Variants in TNFSF11 observed in about 807,000 individuals in gnomAD.
TNFSF11 encodes the protein tumor necrosis factor ligand superfamily member 11.
In TNFSF11, 12 loss-of-function variants were observed where a neutral mutation model predicts 32.2. The observed-to-expected ratio is 0.37, with a 90% CI of 0.24 to 0.60. The LOEUF (loss-of-function observed/expected upper bound fraction) is 0.60. Ranked by LOEUF, TNFSF11 falls within the 20% of genes least tolerant of loss-of-function variation. TNFSF11 has a pLI of 0.66. For synonymous variants in TNFSF11, 172 were observed against 152.1 expected (o/e 1.13, Z -0.96); for missense variants, 345 against 398.0 (o/e 0.87, Z 1.13).
At chr13:42,605,428 A>G (rs1156655807) in intron 4 of TNFSF11, among the ~76,000 whole-genome samples, 2 of 152,236 alleles carry the variant, frequency 1.3e-5, no homozygotes, top group Non-Finnish European at 2.9e-5. Context: ...ACCATTAGTT[A>G]CCAGCTTTTC....
At chr13:42,581,996 C>G (rs1300374427) in intron 2 of TNFSF11, among the ~76,000 whole-genome samples, 1 of 152,188 alleles carries the variant, frequency 6.6e-6, no homozygotes, top group Non-Finnish European at 1.5e-5. Flanking sequence ...TTATTTTACT[C>G]ACTGACTCCA....
rs1873668744 is a variant in TNFSF11, at chr13:42,582,576, T to C, written c.387+1283T>C. Among the ~76,000 whole-genome samples the C allele has an allele frequency of 2.6e-5, 4 of 152,334 alleles. No individual in the cohort carries two copies. In the South Asian group the frequency reaches 8.3e-4, roughly 32 times the overall value. On this transcript the variant is annotated intron_variant, in intron 2 of 4. Coordinates refer to ENST00000398795, the MANE Select transcript of TNFSF11 (RefSeq NM_003701.4). ...TATCAAAACGTTAAAAAGTTGTGCA[T>C]TATGGAATGCATGAAGTACCTATTA...
chr13:42,587,426 C>T lies in TNFSF11; in HGVS notation c.387+6133C>T, dbSNP rs541309729. ...TGAGCAGTCTCTGACATTCACTAAA[C>T]CCCATTTAGGTAGGAAGGAGGACTC... is the stretch of plus-strand genomic sequence containing the variant. On this transcript the variant is annotated intron_variant, in intron 2 of 4. Transcript: ENST00000398795. Among the ~76,000 whole-genome samples the T allele has an allele frequency of 3.2e-4, 48 of 152,290 alleles. 1 individual carries two copies. In the South Asian group the frequency reaches 9.9e-3, roughly 32 times the overall value.
intron 4 of TNFSF11, among the ~76,000 whole-genome samples, chr13:42,605,943 G>T (rs551243320): frequency 6.6e-6 from 1 of 152,258 alleles, no homozygotes; most frequent in East Asian, 1.9e-4. Context: ...TAAAAGAGAA[G>T]GTTGAGACTT....
At chr13:42,581,978 C>T (rs1873638145) in intron 2 of TNFSF11, among the ~76,000 whole-genome samples, 1 of 152,166 alleles carries the variant, frequency 6.6e-6, no homozygotes. Context: ...AATTCTGCAG[C>T]CCAAGAATTA....
At chr13:42,599,700 G>A (rs1370230884) in intron 2 of TNFSF11, among the ~76,000 whole-genome samples, 1 of 152,088 alleles carries the variant, frequency 6.6e-6, no homozygotes, top group African/African-American at 2.4e-5. Context: ...CTCTTGAGTA[G>A]CTGGGATTAT....
chr13:42,569,572 G>A (rs1446352580), upstream of TNFSF11, among the ~76,000 whole-genome samples: 1 of 150,260 alleles, frequency 6.7e-6, no homozygotes, highest in Non-Finnish European at 1.5e-5. Context: ...GAAAAGAAAA[G>A]AAAAGAAAAG....
chr13:42,585,649 T>C (rs1424395024), intron 2 of TNFSF11, among the ~76,000 whole-genome samples: 2 of 152,364 alleles, frequency 1.3e-5, no homozygotes, highest in African/African-American at 4.8e-5. Flanking sequence ...CCTCCCTGCT[T>C]CTGCCAGCCG....
At chr13:42,583,221 A>C (rs1873702891) in intron 2 of TNFSF11, among the ~76,000 whole-genome samples, 1 of 151,786 alleles carries the variant, frequency 6.6e-6, no homozygotes, top group East Asian at 1.9e-4. Flanking sequence ...GAACATGCTG[A>C]TCAACATAGT....
At chr13:42,571,805 G>T (rs749716469), upstream of TNFSF11, 1 of 152,222 alleles carries the variant, frequency 6.6e-6, no homozygotes, top group Admixed American at 6.5e-5. Context: ...GAATTCTTCA[G>T]GGGGCAAGTG....
Position 42,606,567 on chromosome 13 carries a change from T to C in TNFSF11, c.603T>C (p.Phe201=), listed in dbSNP as rs916877570. 6.2e-7 allele frequency: 1 copy of C among 1,614,226 alleles called. No homozygotes were observed. Among genetic ancestry groups the C allele is most frequent in the Middle Eastern group, 1.6e-4 (1 of 6,062 alleles). ...GGGCCAAGATCTCCAACATGACTTT[T>C]AGCAATGGAAAACTAATAGTTAATC... The part of the protein sequence containing the change: ...RGWAKISNMT[F]SNGKLIVNQD... The change falls in exon 5 of 5, where the codon TTT becomes TTC. Residue 201 remains phenylalanine (F), a synonymous_variant. Coordinates refer to ENST00000398795, the MANE Select transcript of TNFSF11 (RefSeq NM_003701.4).
In TNFSF11 at chr13:42,600,804, A is replaced by G. The variant is rs903506200; in HGVS notation, c.433+7A>G. 2 of 1,614,074 alleles carry G rather than the reference A, an allele frequency of 1.2e-6. No homozygotes were observed. Among genetic ancestry groups the G allele is most frequent in the Non-Finnish European group, 1.7e-6 (2 of 1,180,026 alleles). ...CACATCAGAGCAGAGAAAGGTAAGCATGGATCCATACATCTGTATGAAATC... is the reference window on the plus strand; with the variant it reads ...CACATCAGAGCAGAGAAAGGTAAGCGTGGATCCATACATCTGTATGAAATC... On this transcript the variant is annotated splice_region_variant and intron_variant, in intron 3 of 4. Coordinates refer to ENST00000398795, the MANE Select transcript of TNFSF11 (RefSeq NM_003701.4).
At chr13:42,604,413 T>C (rs889822061) in intron 4 of TNFSF11, among the ~76,000 whole-genome samples, 1 of 152,184 alleles carries the variant, frequency 6.6e-6, no homozygotes, top group Non-Finnish European at 1.5e-5. Context: ...TTTATTGTGG[T>C]GAGCCCAGGA....
intron 2 of TNFSF11, among the ~76,000 whole-genome samples, chr13:42,590,738 T>C (rs1317630969): frequency 6.6e-6 from 1 of 152,242 alleles, no homozygotes; most frequent in Non-Finnish European, 1.5e-5. Context: ...GGGCTCTTTA[T>C]GAAGACTAAC....
intron 1 of TNFSF11, among the ~76,000 whole-genome samples, chr13:42,564,871 C>T (rs1872812518): frequency 6.6e-6 from 1 of 152,198 alleles, no homozygotes; most frequent in Admixed American, 6.5e-5. Context: ...ATTTTGTTCT[C>T]TTTCTCTGAC....
chr13:42,591,971 C>T (rs956908143), intron 2 of TNFSF11, among the ~76,000 whole-genome samples: 5 of 152,152 alleles, frequency 3.3e-5, no homozygotes, highest in African/African-American at 1.2e-4. Context: ...CCTATGGCAT[C>T]CCAGAGCCTC....
At chr13:42,577,296 A>G (rs1276367565) in intron 1 of TNFSF11, among the ~76,000 whole-genome samples, 1 of 152,212 alleles carries the variant, frequency 6.6e-6, no homozygotes, top group Non-Finnish European at 1.5e-5. Context: ...ACGGTTAAAA[A>G]GTTTTGTTTT....
upstream of TNFSF11, among the ~76,000 whole-genome samples, chr13:42,572,504 A>G (rs564401140): frequency 9.7e-4 from 147 of 152,064 alleles, 1 homozygote; most frequent in Non-Finnish European, 1.3e-3. Flanking sequence ...GAGGAGGAGG[A>G]GGGGGAGGAG....
chr13:42,589,391 C>G (rs947230807), intron 2 of TNFSF11, among the ~76,000 whole-genome samples: 2 of 152,142 alleles, frequency 1.3e-5, no homozygotes, highest in African/African-American at 2.4e-5. Context: ...ATCTGGCCAC[C>G]CCCTCCTGGC....
Sources: gnomAD v4.1 joint callset for allele counts (sites outside exome capture counted in the v4.1 genomes callset) on GRCh38, gnomAD v4.1.1 for gene constraint, MANE v1.5 for transcripts, NCBI Gene and HGNC (gene_info 2026-07-23, HGNC 2026-07-21) for gene names.